The following CIMAP3 variants were observed in gnomAD, a reference collection of about 807,000 sequenced individuals.
CIMAP3 encodes the protein ciliary microtubule-associated protein 3.
the CIMAP3 span, chr1:111,351,170 T>G: frequency 3.7e-5 from 15 of 402,366 alleles, no homozygotes; most frequent in Admixed American, 2.0e-4. Context: ...TGTACAGTTT[T>G]TTTTTTTTTT....
chr1:111,340,653 G>A, the CIMAP3 span, among the ~76,000 whole-genome samples: 11 of 152,292 alleles, frequency 7.2e-5, no homozygotes, highest in South Asian at 1.9e-3. Context: ...AAACCACAGT[G>A]AGATACCATC....
chr1:111,345,841 GTTA>G, the CIMAP3 span, among the ~76,000 whole-genome samples: 3 of 151,858 alleles, frequency 2.0e-5, no homozygotes, highest in Non-Finnish European at 1.5e-5. Context: ...TTTTTCTTCG[GTTA>G]TTATTATCTT....
chr1:111,346,579 C>T, the CIMAP3 span: 4 of 1,606,534 alleles, frequency 2.5e-6, no homozygotes, highest in Non-Finnish European at 3.4e-6. Context: ...CCGCGCTCCG[C>T]AGCTGGGAAT....
chr1:111,335,558 G>T, the CIMAP3 span, among the ~76,000 whole-genome samples: 1 of 152,216 alleles, frequency 6.6e-6, no homozygotes, highest in Non-Finnish European at 1.5e-5. Flanking sequence ...ATCCAGCACT[G>T]GCTCAGAGGG....
At chr1:111,341,918 A>C in the CIMAP3 span, among the ~76,000 whole-genome samples, 1 of 152,174 alleles carries the variant, frequency 6.6e-6, no homozygotes, top group Non-Finnish European at 1.5e-5. Flanking sequence ...AATTTCCTAC[A>C]AGATATACAA....
chr1:111,332,692 G>C, the CIMAP3 span, among the ~76,000 whole-genome samples: 1 of 152,216 alleles, frequency 6.6e-6, no homozygotes, highest in Admixed American at 6.5e-5. Context: ...GGGCTGCTCA[G>C]CTGGTCTGGA....
the CIMAP3 span, chr1:111,347,713 A>G: frequency 1.4e-5 from 23 of 1,612,172 alleles, no homozygotes; most frequent in Non-Finnish European, 1.9e-5. Context: ...GATCCCAACC[A>G]GTATAAAAGG....
the CIMAP3 span, among the ~76,000 whole-genome samples, chr1:111,337,915 A>G: frequency 1.0e-4 from 15 of 150,604 alleles, no homozygotes; most frequent in East Asian, 2.1e-3. Flanking sequence ...ACCACACCAC[A>G]CCTATTCCAA....
At chr1:111,325,514 T>A in the CIMAP3 span, among the ~76,000 whole-genome samples, 1 of 152,188 alleles carries the variant, frequency 6.6e-6, no homozygotes, top group Admixed American at 6.5e-5. Flanking sequence ...TCTATTCTCT[T>A]GGACAGGGAT....
chr1:111,330,090 T>C, the CIMAP3 span, among the ~76,000 whole-genome samples: 5 of 152,220 alleles, frequency 3.3e-5, no homozygotes, highest in Non-Finnish European at 7.3e-5. Context: ...TGTATTGCTT[T>C]ATTGTGATTT....
chr1:111,328,196 T>C, the CIMAP3 span, among the ~76,000 whole-genome samples: 3 of 152,214 alleles, frequency 2.0e-5, no homozygotes, highest in Non-Finnish European at 4.4e-5. Context: ...ATTTTTATTG[T>C]GCTGTGGTTT....
chr1:111,347,386 G>C, the CIMAP3 span, among the ~76,000 whole-genome samples: 7,108 of 152,214 alleles, frequency 0.047, 345 homozygotes, highest in African/African-American at 0.12. Context: ...GTTCAGCTCT[G>C]TGGGGCTCCG....
chr1:111,327,111 AT>A, the CIMAP3 span, among the ~76,000 whole-genome samples: 17,140 of 151,862 alleles, frequency 0.11, 1,097 homozygotes, highest in Non-Finnish European at 0.14. Context: ...CGATTTGTCT[AT>A]TTTTTTAATT....
chr1:111,334,675 G>T, the CIMAP3 span, among the ~76,000 whole-genome samples: 8 of 152,232 alleles, frequency 5.3e-5, no homozygotes, highest in East Asian at 1.3e-3. Flanking sequence ...AAACTTATCA[G>T]AGAAATTTTA....
chr1:111,346,501 T>C, the CIMAP3 span: 3 of 1,182,228 alleles, frequency 2.5e-6, no homozygotes, highest in South Asian at 1.4e-5. Flanking sequence ...TGCGGGTTCC[T>C]GCCCCAGTAG....
the CIMAP3 span, among the ~76,000 whole-genome samples, chr1:111,343,275 T>C: frequency 6.6e-6 from 1 of 152,224 alleles, no homozygotes; most frequent in South Asian, 2.1e-4. Flanking sequence ...TAAAACATTA[T>C]ACAAAAAATT....
chr1:111,344,614 G>A, the CIMAP3 span, among the ~76,000 whole-genome samples: 1 of 152,130 alleles, frequency 6.6e-6, no homozygotes. Context: ...TTCTCAGCTG[G>A]AGAATTAGTC....
chr1:111,326,223 G>T, the CIMAP3 span, among the ~76,000 whole-genome samples: 4 of 152,090 alleles, frequency 2.6e-5, no homozygotes, highest in Non-Finnish European at 5.9e-5. Context: ...TAGTCACTCT[G>T]CTGTTGAATG....
At chr1:111,324,932 C>T in the CIMAP3 span, 1 of 923,534 alleles carries the variant, frequency 1.1e-6, no homozygotes, top group Non-Finnish European at 1.3e-6. Flanking sequence ...GAAAACTCAT[C>T]CTTTTAGCAT....
Sources: gnomAD v4.1 joint callset for allele counts (sites outside exome capture counted in the v4.1 genomes callset) on GRCh38, gnomAD v4.1.1 for gene constraint, MANE v1.5 for transcripts, NCBI Gene and HGNC (gene_info 2026-07-23, HGNC 2026-07-21) for gene names.